The following SH3RF3 variants were observed in gnomAD, a reference collection of about 807,000 sequenced individuals.
SH3RF3 encodes SH3 domain containing ring finger 3.
SH3RF3 carries 29 observed loss-of-function variants against 66.3 expected under a neutral mutation model. The observed-to-expected ratio is 0.44, with a 90% CI of 0.33 to 0.60. SH3RF3 has a LOEUF of 0.60. Among genes scored for constraint, SH3RF3 ranks in the 20% least tolerant of loss-of-function variants. The probability of loss-of-function intolerance (pLI) is 0.04; values close to 1 mark genes in which losing one functional copy is unlikely to be tolerated. For synonymous variants in SH3RF3, 583 were observed against 532.0 expected, an observed-to-expected ratio of 1.10 and a Z score of -1.32; for missense variants, 1,194 against 1,190.9, an observed-to-expected ratio of 1.00 and a Z score of -0.04.
intron 8 of SH3RF3, among the ~76,000 whole-genome samples, chr2:109,483,011 G>A (rs1184288881): frequency 2.0e-5 from 3 of 152,000 alleles, no homozygotes; most frequent in Non-Finnish European, 4.4e-5. Context: ...TAATTATCTC[G>A]TTCACTTTTT....
intron 1 of SH3RF3, among the ~76,000 whole-genome samples, chr2:109,186,807 T>C (rs567196470): frequency 6.6e-6 from 1 of 152,298 alleles, no homozygotes; most frequent in South Asian, 2.1e-4. Context: ...AGGTTCCACC[T>C]ACAACCCCAG....
intron 5 of SH3RF3, among the ~76,000 whole-genome samples, chr2:109,429,025 A>G (rs1677117019): frequency 2.0e-5 from 3 of 152,300 alleles, no homozygotes; most frequent in Admixed American, 2.0e-4. Flanking sequence ...GACAGGACTC[A>G]ACTCACAGAC....
At chr2:109,225,300 C>G (rs990087745) in intron 1 of SH3RF3, among the ~76,000 whole-genome samples, 3 of 152,200 alleles carry the variant, frequency 2.0e-5, no homozygotes, top group Non-Finnish European at 4.4e-5. Context: ...AGTCCTCAAA[C>G]CATTGTACTC....
chr2:109,241,827 G>A (rs549045495), intron 1 of SH3RF3, among the ~76,000 whole-genome samples: 39 of 151,018 alleles, frequency 2.6e-4, no homozygotes, highest in African/African-American at 9.5e-4. Flanking sequence ...GTGCAGTGGT[G>A]CGATCTCGGC....
intron 1 of SH3RF3, among the ~76,000 whole-genome samples, chr2:109,248,528 A>G (rs894430535): frequency 2.6e-5 from 4 of 152,246 alleles, no homozygotes; most frequent in Admixed American, 1.3e-4. Context: ...AATTAAATGG[A>G]TGTTACTACC....
chr2:109,292,110 G>A (rs750294673), intron 1 of SH3RF3, among the ~76,000 whole-genome samples: 5 of 152,182 alleles, frequency 3.3e-5, no homozygotes, highest in South Asian at 2.1e-4. Context: ...TGATCTGCCC[G>A]CCTCAGCCTC....
chr2:109,318,835 G>A (rs766285277), intron 1 of SH3RF3, among the ~76,000 whole-genome samples: 15 of 152,356 alleles, frequency 9.8e-5, no homozygotes, highest in Non-Finnish European at 2.2e-4. Flanking sequence ...GGCAGACATT[G>A]GCTTGGAGAA....
chr2:109,251,852 A>ATAT (rs1674802935), intron 1 of SH3RF3, among the ~76,000 whole-genome samples: 1 of 152,242 alleles, frequency 6.6e-6, no homozygotes, highest in African/African-American at 2.4e-5. Flanking sequence ...CCTTTAAAGT[A>ATAT]CATAATGAGT....
chr2:109,250,150 C>G (rs1680051372), intron 1 of SH3RF3, among the ~76,000 whole-genome samples: 2 of 134,800 alleles, frequency 1.5e-5, no homozygotes, highest in African/African-American at 2.9e-5. Context: ...AGGTTTTTCT[C>G]TGTCTTTAAG....
At chr2:109,478,638 C>A (rs867989882) in intron 8 of SH3RF3, among the ~76,000 whole-genome samples, 12 of 152,136 alleles carry the variant, frequency 7.9e-5, no homozygotes, top group Middle Eastern at 6.3e-3. Flanking sequence ...TGTTGGAATG[C>A]GCTTTCATTT....
intron 1 of SH3RF3, among the ~76,000 whole-genome samples, chr2:109,283,984 G>C (rs1326194826): frequency 6.6e-6 from 1 of 152,182 alleles, no homozygotes; most frequent in Non-Finnish European, 1.5e-5. Context: ...GCCCGTGGGT[G>C]TTTTTCCAGG....
At chr2:109,315,381 G>C (rs936335305) in intron 1 of SH3RF3, among the ~76,000 whole-genome samples, 2 of 152,228 alleles carry the variant, frequency 1.3e-5, no homozygotes, top group Admixed American at 6.5e-5. Flanking sequence ...AACTCCATTA[G>C]TGATTCAAAA....
intron 1 of SH3RF3, among the ~76,000 whole-genome samples, chr2:109,298,692 C>T (rs954410394): frequency 6.6e-6 from 1 of 152,032 alleles, no homozygotes; most frequent in African/African-American, 2.4e-5. Context: ...TCCTGTGGGT[C>T]CAGGTCCGTT....
In SH3RF3 at chr2:109,206,610, C is replaced by T. The variant is rs539975605; in HGVS notation, c.573+76497C>T. ...GATAGCTTGAGGCTGGAGTTCAAGA[C>T]CAGCCTGGGAAACATAAGTAAGACC... is the stretch of plus-strand genomic sequence containing the variant. On this transcript the variant is annotated intron_variant, in intron 1 of 9. Coordinates refer to ENST00000309415, the MANE Select transcript of SH3RF3 (RefSeq NM_001099289.3). Among the ~76,000 whole-genome samples the T allele has an allele frequency of 1.7e-4, 26 of 151,182 alleles. No individual in the cohort carries two copies. In the South Asian group the frequency reaches 5.2e-3, roughly 31 times the overall value.
chr2:109,481,030 A>G (rs956526492), intron 8 of SH3RF3, among the ~76,000 whole-genome samples: 6 of 152,220 alleles, frequency 3.9e-5, no homozygotes, highest in Admixed American at 2.0e-4. Context: ...AGGCAAGAGG[A>G]CACCGATAGG....
chr2:109,233,533 A>G (rs560854594), intron 1 of SH3RF3, among the ~76,000 whole-genome samples: 15 of 152,176 alleles, frequency 9.9e-5, no homozygotes, highest in Non-Finnish European at 2.2e-4. Context: ...TGGTTTTGGA[A>G]AAAGCAACAT....
At chr2:109,142,468 C>T (rs1186443568) in intron 1 of SH3RF3, among the ~76,000 whole-genome samples, 1 of 152,232 alleles carries the variant, frequency 6.6e-6, no homozygotes, top group African/African-American at 2.4e-5. Flanking sequence ...CCCCAGCACC[C>T]ACACAGGCAC....
intron 1 of SH3RF3, among the ~76,000 whole-genome samples, chr2:109,143,091 C>T (rs778101554): frequency 4.6e-5 from 7 of 152,032 alleles, no homozygotes; most frequent in Non-Finnish European, 8.8e-5. Context: ...GTGTGGGGGG[C>T]CTGCCATGAT....
intron 1 of SH3RF3, among the ~76,000 whole-genome samples, chr2:109,257,739 A>G (rs1464765586): frequency 2.0e-5 from 3 of 152,174 alleles, no homozygotes; most frequent in Non-Finnish European, 4.4e-5. Context: ...TCAGTGTCCA[A>G]AAAAACCAAG....
Sources: gnomAD v4.1 joint callset for allele counts (sites outside exome capture counted in the v4.1 genomes callset) on GRCh38, gnomAD v4.1.1 for gene constraint, MANE v1.5 for transcripts, NCBI Gene and HGNC (gene_info 2026-07-23, HGNC 2026-07-21) for gene names.